CELF2: variants seen among roughly 807,000 people sequenced by gnomAD.
CELF2 encodes the protein CUG triplet repeat RNA-binding protein 2.
In CELF2, 8 loss-of-function variants were observed where a neutral mutation model predicts 62.6. The ratio of observed to expected loss-of-function variants is 0.13; its 90% CI spans 0.07 to 0.23. The LOEUF (loss-of-function observed/expected upper bound fraction) is 0.23, where lower values mean the gene tolerates loss of function less well. Among genes scored for constraint, CELF2 ranks in the 10% least tolerant of loss-of-function variants. The probability of loss-of-function intolerance (pLI) is 1.00; values close to 1 mark genes in which losing one functional copy is unlikely to be tolerated. For missense variants in CELF2, 333 were observed against 671.0 expected (o/e 0.50, Z 5.56); for synonymous variants, 258 against 250.0 (o/e 1.03, Z -0.30).
At chr10:10,482,972 A>C in the CELF2 span, among the ~76,000 whole-genome samples, 77 of 152,164 alleles carry the variant, frequency 5.1e-4, 1 homozygote, top group African/African-American at 1.6e-3. Flanking sequence ...CTTCCTTCCC[A>C]TGAAAACACA....
chr10:10,854,078 T>C (rs753164847), intron 1 of CELF2, among the ~76,000 whole-genome samples: 6 of 152,232 alleles, frequency 3.9e-5, no homozygotes, highest in Non-Finnish European at 7.3e-5. Context: ...CACATTTTCC[T>C]GGTGTAAATA....
At chr10:10,887,718 G>C (rs949723115) in intron 1 of CELF2, among the ~76,000 whole-genome samples, 32 of 151,378 alleles carry the variant, frequency 2.1e-4, no homozygotes, top group Non-Finnish European at 3.4e-4. Context: ...ATTTAAAATT[G>C]TCTGGGAAAC....
the CELF2 span, among the ~76,000 whole-genome samples, chr10:10,527,461 A>AAAG: frequency 6.6e-6 from 1 of 151,738 alleles, no homozygotes; most frequent in Non-Finnish European, 1.5e-5. Flanking sequence ...AAAAAAAAAA[A>AAAG]AGTAACCAGG....
chr10:10,661,166 C>G, the CELF2 span, among the ~76,000 whole-genome samples: 4 of 152,344 alleles, frequency 2.6e-5, no homozygotes, highest in East Asian at 7.7e-4. Flanking sequence ...CTGCCCCTTT[C>G]CAGCCATTTC....
the CELF2 span, among the ~76,000 whole-genome samples, chr10:10,753,512 C>T: frequency 5.9e-5 from 9 of 152,250 alleles, no homozygotes; most frequent in East Asian, 5.8e-4. Context: ...ATTGCGGATA[C>T]GAATGGTGTC....
the CELF2 span, among the ~76,000 whole-genome samples, chr10:10,653,283 C>A: frequency 6.6e-6 from 1 of 151,292 alleles, no homozygotes; most frequent in Admixed American, 6.6e-5. Context: ...CTTTAACACC[C>A]CACTGTCAAC....
chr10:10,724,135 C>G, the CELF2 span, among the ~76,000 whole-genome samples: 5 of 152,182 alleles, frequency 3.3e-5, no homozygotes, highest in Admixed American at 1.3e-4. Context: ...CTGCATTTTC[C>G]ATAAAAATTT....
chr10:10,487,676 A>G, the CELF2 span, among the ~76,000 whole-genome samples: 42 of 152,326 alleles, frequency 2.8e-4, no homozygotes, highest in African/African-American at 9.6e-4. Context: ...TGTTGAAATT[A>G]TACTAGACAA....
At chr10:11,162,163 G>A (rs2065872919) in intron 1 of CELF2, among the ~76,000 whole-genome samples, 1 of 152,162 alleles carries the variant, frequency 6.6e-6, no homozygotes, top group Non-Finnish European at 1.5e-5. Context: ...GCAGTGCCAG[G>A]AGAGAGGTTG....
At chr10:11,138,901 G>A (rs1339376799) in intron 1 of CELF2, among the ~76,000 whole-genome samples, 2 of 152,202 alleles carry the variant, frequency 1.3e-5, no homozygotes, top group African/African-American at 4.8e-5. Flanking sequence ...CTTGAGCCTG[G>A]AACATACTGA....
chr10:11,164,647 C>T (rs1311023491), intron 1 of CELF2, among the ~76,000 whole-genome samples: 1 of 149,558 alleles, frequency 6.7e-6, no homozygotes, highest in African/African-American at 2.5e-5. Context: ...AGTGGGAACT[C>T]AACTTTCTGG....
At chr10:10,635,690 AGCATGTTCGAGTT>A in the CELF2 span, among the ~76,000 whole-genome samples, 1 of 152,256 alleles carries the variant, frequency 6.6e-6, no homozygotes, top group Non-Finnish European at 1.5e-5. Flanking sequence ...ATCAAAAATA[AGCATGTTCGAGTT>A]GTCTCTAAAT....
At chr10:10,981,971 T>C (rs2136410542) in intron 2 of CELF2, among the ~76,000 whole-genome samples, 1 of 149,470 alleles carries the variant, frequency 6.7e-6, no homozygotes, top group South Asian at 2.2e-4. Context: ...TTTTTTTTTT[T>C]TGAGATGGAG....
intron 1 of CELF2, among the ~76,000 whole-genome samples, chr10:10,855,006 G>C (rs2059619370): frequency 6.6e-6 from 1 of 152,108 alleles, no homozygotes. Flanking sequence ...ACAGAAGTCA[G>C]TCAAAGTCAA....
At chr10:10,812,363 C>T (rs2055995688) in intron 1 of CELF2, among the ~76,000 whole-genome samples, 1 of 152,100 alleles carries the variant, frequency 6.6e-6, no homozygotes, top group Non-Finnish European at 1.5e-5. Context: ...CTGAGTCCTT[C>T]CCACAACATG....
Position 11,333,890 on chromosome 10 carries a change from TAAA to T in CELF2, c.*4845_*4847del, listed in dbSNP as rs147709349. On this transcript the variant is annotated 3_prime_UTR_variant, in exon 13 of 13. Coordinates refer to ENST00000633077, the MANE Select transcript of CELF2 (RefSeq NM_001326342.2). ...CAGTGGAACTTTTTATACTGGAGAT[TAAA>T]AAAAAAATGGAAATTTTTGTGGCTT... is the stretch of plus-strand genomic sequence containing the variant. 2 of 149,826 alleles carry T rather than the reference TAAA, an allele frequency of 1.3e-5. No homozygotes were observed. The highest frequency in any genetic ancestry group is 6.7e-5 in the Admixed American group (1 of 15,010). 9.3% of individuals were successfully genotyped at this position (149,826 alleles called of 1,614,324 possible).
At chr10:10,592,474 T>A in the CELF2 span, among the ~76,000 whole-genome samples, 1 of 152,180 alleles carries the variant, frequency 6.6e-6, no homozygotes, top group Non-Finnish European at 1.5e-5. Flanking sequence ...GCACCTTCCA[T>A]TCCTTCATAC....
chr10:10,464,573 T>G, the CELF2 span, among the ~76,000 whole-genome samples: 1 of 152,122 alleles, frequency 6.6e-6, no homozygotes, highest in Non-Finnish European at 1.5e-5. Flanking sequence ...CTTTGAAAAT[T>G]TTTCCTTCTG....
At chr10:11,299,386 T>C (rs533195905) in intron 9 of CELF2, among the ~76,000 whole-genome samples, 30 of 152,304 alleles carry the variant, frequency 2.0e-4, no homozygotes, top group African/African-American at 5.8e-4. Context: ...CCTGCTACCA[T>C]TGGGGTCATG....
Sources: allele counts gnomAD v4.1 joint callset (sites outside exome capture counted in the v4.1 genomes callset), GRCh38; gene constraint gnomAD v4.1.1; transcripts MANE v1.5; gene names NCBI Gene and HGNC (gene_info 2026-07-23, HGNC 2026-07-21).